The following TOGARAM1 variants were observed in gnomAD, a reference collection of about 807,000 sequenced individuals.
TOGARAM1 encodes TOG array regulator of axonemal microtubules protein 1.
A neutral mutation model predicts 166.6 loss-of-function variants in TOGARAM1; 100 were observed. That is an observed-to-expected ratio of 0.60 (90% CI 0.51 to 0.71). TOGARAM1 has a LOEUF of 0.71. Among genes scored for constraint, TOGARAM1 ranks in the 30% least tolerant of loss-of-function variants. The probability of loss-of-function intolerance (pLI) is 0.00; values close to 1 mark genes in which losing one functional copy is unlikely to be tolerated. For synonymous variants in TOGARAM1, 758 were observed against 763.8 expected, an observed-to-expected ratio of 0.99 and a Z score of 0.13; for missense variants, 2,029 against 2,102.7, an observed-to-expected ratio of 0.96 and a Z score of 0.69.
At position 45,065,397 on chromosome 14, in the gene TOGARAM1, C is replaced by CA. The variant is rs1330597789; in HGVS notation, c.4560-1174dup. Among the ~76,000 whole-genome samples, 13 of 151,972 alleles carry CA rather than the reference C, an allele frequency of 8.6e-5. No homozygotes were observed. In the South Asian group the frequency reaches 1.2e-3, roughly 15 times the overall value. ...CTAATGATGGCTGATGAGCTAAAAACAAAAAAACAAAAGAAAAAACATTCA... is the reference window on the plus strand; with the variant it reads ...CTAATGATGGCTGATGAGCTAAAAACAAAAAAAACAAAAGAAAAAACATTCA... On this transcript the variant is annotated intron_variant, in intron 16 of 19. Coordinates refer to ENST00000361462, the MANE Select transcript of TOGARAM1 (RefSeq NM_001308120.2).
At chr14:45,003,275 A>T (rs1000019977) in intron 3 of TOGARAM1, among the ~76,000 whole-genome samples, 1 of 152,032 alleles carries the variant, frequency 6.6e-6, no homozygotes, top group African/African-American at 2.4e-5. Context: ...TACGCTAGGT[A>T]TTTTGTCACG....
chr14:45,071,934 A>G (rs1355635299), intron 19 of TOGARAM1, 136 bp downstream of exon 19: 3 of 614,438 alleles, frequency 4.9e-6, no homozygotes, highest in Non-Finnish European at 8.2e-6. Context: ...GTAATGATCC[A>G]CAAGAGAACC....
At chr14:45,015,670 A>G (rs1356774601) in intron 7 of TOGARAM1, among the ~76,000 whole-genome samples, 2 of 150,792 alleles carry the variant, frequency 1.3e-5, no homozygotes, top group Non-Finnish European at 1.5e-5. Context: ...CATTTTCTTC[A>G]TTTAATCCTA....
chr14:45,036,125 G>GTC (rs1254791067), intron 11 of TOGARAM1, among the ~76,000 whole-genome samples: 7 of 79,078 alleles, frequency 8.9e-5, no homozygotes, highest in African/African-American at 3.5e-4. Context: ...ACAAGACCTT[G>GTC]TCTCTAAAAA....
chr14:44,963,905 T>C lies in TOGARAM1; in HGVS notation c.1484T>C (p.Ile495Thr). ...AGAGAGGAGGTGGTGAACATTTGCA[T>C]CTGCTCCCTGCTGACCTATCCTAGT... is the stretch of plus-strand genomic sequence containing the variant. ...RVREEVVNIC[I>T]CSLLTYPSED... is the part of the protein sequence containing the mutation. Residue 495 changes from isoleucine (I) to threonine (T), a missense_variant, in exon 1 of 20, where the codon ATC becomes ACC. Physicochemically the swap from Ile to Thr is moderately conservative, Grantham distance 89. Transcript: ENST00000361462. 6.2e-7 allele frequency: 1 copy of C among 1,613,950 alleles called. No individual in the cohort carries two copies. Among genetic ancestry groups the C allele is most frequent in the Non-Finnish European group, 8.5e-7 (1 of 1,179,824 alleles).
intron 1 of TOGARAM1, among the ~76,000 whole-genome samples, chr14:44,965,013 ACTGAGATTTTCCCCCC>A (rs2138707254): frequency 6.6e-6 from 1 of 151,868 alleles, no homozygotes; most frequent in East Asian, 1.9e-4. Flanking sequence ...CAACATTTGA[ACTGAGATTTTCCCCCC>A]AAAGCTTTTA....
Position 44,963,572 on chromosome 14 carries a change from C to T in TOGARAM1, c.1151C>T (p.Pro384Leu). The T allele has an allele frequency of 6.2e-7, 1 of 1,613,784 alleles. No individual in the cohort carries two copies. Among genetic ancestry groups the T allele is most frequent in the Non-Finnish European group, 8.5e-7 (1 of 1,179,846 alleles). Residue 384 changes from proline to leucine, a missense_variant, in exon 1 of 20, where the codon CCT becomes CTT. By Grantham distance (98) the Pro-to-Leu change is moderately conservative (BLOSUM62 -3). Transcript: ENST00000361462. ...ELKQVLGKFN[P>L]SSTPHSSLVG... is the part of the protein sequence containing the mutation. Reference sequence around the variant, plus strand: ...AAGCAGGTGCTGGGAAAATTTAACCCTAGTTCTACTCCTCATTCTAGTCTT... The same window carrying T: ...AAGCAGGTGCTGGGAAAATTTAACCTTAGTTCTACTCCTCATTCTAGTCTT...
intron 2 of TOGARAM1, chr14:44,997,533 ATT>A (rs1329349816): frequency 2.6e-5 from 4 of 151,626 alleles, no homozygotes; most frequent in Non-Finnish European, 5.9e-5. Context: ...TGCTGTAAGG[ATT>A]TTTGGCCAGA....
At chr14:44,982,572 A>G (rs1372715703) in intron 1 of TOGARAM1, among the ~76,000 whole-genome samples, 1 of 152,148 alleles carries the variant, frequency 6.6e-6, no homozygotes, top group African/African-American at 2.4e-5. Context: ...AAGGTAGAGG[A>G]ATTGATTATT....
chr14:45,062,291 A>T (rs1882932482), intron 16 of TOGARAM1, among the ~76,000 whole-genome samples: 1 of 151,980 alleles, frequency 6.6e-6, no homozygotes, highest in Non-Finnish European at 1.5e-5. Context: ...ATGTATTTTG[A>T]TCCACTGTGA....
At position 45,065,949 on chromosome 14, in the gene TOGARAM1, C is replaced by T. The variant is rs547079986; in HGVS notation, c.4560-629C>T. Reference sequence around the variant, plus strand: ...AAGGCTGCTTGCAAGGTTAGCTCTTCGCTGACATGGGAAACTAGGATTTCA... The same window carrying T: ...AAGGCTGCTTGCAAGGTTAGCTCTTTGCTGACATGGGAAACTAGGATTTCA... On this transcript the variant is annotated intron_variant, in intron 16 of 19. Transcript: ENST00000361462. Among the ~76,000 whole-genome samples the T allele has an allele frequency of 4.9e-4, 75 of 152,282 alleles. 2 individuals are homozygous for T. The South Asian group carries it at 0.015, about 29-fold the overall frequency.
intron 13 of TOGARAM1, among the ~76,000 whole-genome samples, chr14:45,046,315 G>C (rs1331334841): frequency 6.6e-6 from 1 of 152,002 alleles, no homozygotes; most frequent in Non-Finnish European, 1.5e-5. Context: ...ACATGCCTGT[G>C]GCCTCAGCTA....
chr14:44,988,681 G>A lies in TOGARAM1; in HGVS notation c.2047-7065G>A, dbSNP rs987238787. Among the ~76,000 whole-genome samples, 24 of 152,300 alleles carry A rather than the reference G, an allele frequency of 1.6e-4. 1 individual carries two copies. Among genetic ancestry groups the A allele is most frequent in the African/African-American group, 5.5e-4 (23 of 41,566 alleles). Reference sequence around the variant, plus strand: ...GTCTAATTCCCCTCTGAGTGTGTTTGGATTTAATATAGCTCATTTCTAACA... The same window carrying A: ...GTCTAATTCCCCTCTGAGTGTGTTTAGATTTAATATAGCTCATTTCTAACA... On this transcript the variant is annotated intron_variant, in intron 1 of 19. Coordinates refer to ENST00000361462, the MANE Select transcript of TOGARAM1 (RefSeq NM_001308120.2).
chr14:45,008,298 G>C (rs1349818584), intron 5 of TOGARAM1, among the ~76,000 whole-genome samples: 2 of 149,856 alleles, frequency 1.3e-5, no homozygotes, highest in Non-Finnish European at 3.0e-5. Context: ...GAGTGCAATG[G>C]TGCAATCTCG....
At chr14:45,015,811 G>A (rs1446517304) in intron 7 of TOGARAM1, among the ~76,000 whole-genome samples, 1 of 152,098 alleles carries the variant, frequency 6.6e-6, no homozygotes, top group African/African-American at 2.4e-5. Flanking sequence ...CAGATACTGA[G>A]CTCTTTATCC....
chr14:45,013,176 T>C (rs1257392452), intron 7 of TOGARAM1, among the ~76,000 whole-genome samples: 1 of 152,224 alleles, frequency 6.6e-6, no homozygotes, highest in African/African-American at 2.4e-5. Context: ...GGATGAAATC[T>C]AGAATCCATA....
At chr14:45,068,699 G>A in intron 18 of TOGARAM1, 56 bp downstream of exon 18, 1 of 1,343,014 alleles carries the variant, frequency 7.4e-7, no homozygotes, top group Admixed American at 2.3e-5. Flanking sequence ...CATGTTTTCT[G>A]ATTCCATCCA....
intron 1 of TOGARAM1, among the ~76,000 whole-genome samples, chr14:44,969,143 TTC>T (rs1885733647): frequency 6.9e-6 from 1 of 144,540 alleles, no homozygotes; most frequent in South Asian, 2.1e-4. Context: ...CCTTCCTTCC[TTC>T]CTTTCTTTCT....
intron 14 of TOGARAM1, among the ~76,000 whole-genome samples, chr14:45,050,988 C>T (rs1332433446): frequency 3.9e-5 from 6 of 152,176 alleles, no homozygotes; most frequent in East Asian, 1.9e-4. Context: ...TTTTAGGGCC[C>T]GGCCTCATTG....
Sources: allele counts gnomAD v4.1 joint callset (sites outside exome capture counted in the v4.1 genomes callset), GRCh38; gene constraint gnomAD v4.1.1; transcripts MANE v1.5; gene names NCBI Gene and HGNC (gene_info 2026-07-23, HGNC 2026-07-21).